SCN11A: variants seen among roughly 807,000 people sequenced by gnomAD.
The protein encoded by SCN11A is sodium voltage-gated channel alpha subunit 11.
Under a neutral mutation model 162.2 loss-of-function variants are expected in SCN11A, and 122 were observed. The observed-to-expected ratio is 0.75, with a 90% CI of 0.65 to 0.87. SCN11A has a LOEUF of 0.87. Ranked by LOEUF, SCN11A falls within the 40% of genes least tolerant of loss-of-function variation. SCN11A has a pLI of 0.00. For missense variants in SCN11A, 2,015 were observed against 2,181.6 expected, an observed-to-expected ratio of 0.92 and a Z score of 1.52; for synonymous variants, 758 against 751.5, an observed-to-expected ratio of 1.01 and a Z score of -0.14.
At chr3:38,856,676 T>C (rs1355935678) in intron 28 of SCN11A, among the ~76,000 whole-genome samples, 1 of 152,118 alleles carries the variant, frequency 6.6e-6, no homozygotes, top group Non-Finnish European at 1.5e-5. Flanking sequence ...TCTATTGGCC[T>C]GAAGCCTGAA....
chr3:38,944,680 G>C (rs2066489594), intron 7 of SCN11A, among the ~76,000 whole-genome samples: 1 of 151,998 alleles, frequency 6.6e-6, no homozygotes, highest in African/African-American at 2.4e-5. Flanking sequence ...TAAGAATAGG[G>C]CTGCGTGCAG....
intron 14 of SCN11A, 131 bp downstream of exon 14, chr3:38,907,818 T>G (rs1286225575): frequency 1.3e-6 from 1 of 765,010 alleles, no homozygotes; most frequent in Non-Finnish European, 2.1e-6. Flanking sequence ...CATGGATGCA[T>G]GAAAGTATGT....
At position 39,042,976 on chromosome 3, in the gene SCN11A, A is replaced by G. The variant is rs1438212687; in HGVS notation, c.-404+8885T>C. Among the ~76,000 whole-genome samples the G allele has an allele frequency of 5.0e-5, 7 of 139,580 alleles. No individual in the cohort carries two copies. In the East Asian group the frequency reaches 9.7e-4, roughly 19 times the overall value. The allele number at this position is 139,580 out of a possible 152,430, so 91.6% of individuals were successfully genotyped here. On this transcript the variant is annotated intron_variant, in intron 1 of 29. Coordinates refer to ENST00000302328, the MANE Select transcript of SCN11A (RefSeq NM_001349253.2). ...CCATCTCAAAAAAAAAAAAAAAAAA[A>G]AAAGAAAAAGAAAAAAGAAATGAGC...
chr3:39,049,119 T>C (rs551535083), intron 1 of SCN11A, among the ~76,000 whole-genome samples: 9 of 152,322 alleles, frequency 5.9e-5, no homozygotes, highest in East Asian at 1.9e-4. Context: ...TAAACAGCAA[T>C]AGATAAAAGG....
chr3:39,027,987 G>A (rs984965895), intron 2 of SCN11A, among the ~76,000 whole-genome samples: 1 of 152,190 alleles, frequency 6.6e-6, no homozygotes, highest in Non-Finnish European at 1.5e-5. Context: ...GTCCTCTTGA[G>A]TGGGACTTAA....
In SCN11A at chr3:39,016,008, A is replaced by AT. The variant is rs1575359845; in HGVS notation, c.-280+16371dup. The stretch of plus-strand genomic sequence containing the variant: ...AAACTCAGCCTCCCAAAATGCTTGG[A>AT]TTACAAGCATGAGCCACTAGATGTG... On this transcript the variant is annotated intron_variant, in intron 2 of 29. Transcript: ENST00000302328. 2.6e-5 allele frequency among the ~76,000 whole-genome samples: 4 copies of AT among 152,326 alleles called. No individual in the cohort carries two copies. In the East Asian group the frequency reaches 7.7e-4, roughly 29 times the overall value.
intron 2 of SCN11A, among the ~76,000 whole-genome samples, chr3:38,987,297 TCTCTCTCACACACACACA>T (rs1273406358): frequency 8.5e-6 from 1 of 117,128 alleles, no homozygotes; most frequent in East Asian, 2.4e-4. Flanking sequence ...TCTCTCTCTC[TCTCTCTCACACACACACA>T]CACACACACA....
intron 29 of SCN11A, 149 bp downstream of exon 29, chr3:38,850,332 T>C: frequency 4.5e-6 from 3 of 668,630 alleles, no homozygotes; most frequent in South Asian, 1.9e-5. Flanking sequence ...CAGTAGAGAA[T>C]GGCATTAGTA....
chr3:38,929,131 G>GCGCGCACACACACACA (rs774058202), intron 7 of SCN11A, among the ~76,000 whole-genome samples: 2 of 36,994 alleles, frequency 5.4e-5, no homozygotes, highest in African/African-American at 1.4e-4. Flanking sequence ...CTGGGTCTGT[G>GCGCGCACACACACACA]CACGCACACA....
rs372038452 is a variant in SCN11A at position 38,914,112 on chromosome 3, T to C, written c.960-3905A>G. ...ATATCCATTTTAATGATATTGATTC[T>C]TCCTATCCATGAGCATGAGATGTTC... On this transcript the variant is annotated intron_variant, in intron 11 of 29. Transcript: ENST00000302328. 3.3e-5 allele frequency among the ~76,000 whole-genome samples: 5 copies of C among 152,240 alleles called. 1 individual carries two copies. In the East Asian group the frequency reaches 7.7e-4, roughly 23 times the overall value.
At chr3:38,932,685 G>T (rs1369856597) in intron 7 of SCN11A, among the ~76,000 whole-genome samples, 3 of 152,222 alleles carry the variant, frequency 2.0e-5, no homozygotes, top group African/African-American at 7.2e-5. Context: ...ACCCACCATT[G>T]CCCAGGCTTG....
chr3:39,007,596 A>T (rs572894612), intron 2 of SCN11A, among the ~76,000 whole-genome samples: 1 of 152,312 alleles, frequency 6.6e-6, no homozygotes, highest in Admixed American at 6.5e-5. Flanking sequence ...GAAACTCCAT[A>T]AAAACCCTAA....
intron 1 of SCN11A, among the ~76,000 whole-genome samples, chr3:39,034,736 G>A (rs2031859383): frequency 1.3e-5 from 2 of 152,098 alleles, no homozygotes; most frequent in South Asian, 4.1e-4. Flanking sequence ...AAAACTATTA[G>A]AACTGATAAA....
At chr3:38,951,421 C>A (rs1057066949) in intron 4 of SCN11A, among the ~76,000 whole-genome samples, 1 of 152,278 alleles carries the variant, frequency 6.6e-6, no homozygotes, top group Non-Finnish European at 1.5e-5. Context: ...GCCCGCCATG[C>A]CTGAGCCTCC....
chr3:38,927,968 C>G (rs951449165), intron 7 of SCN11A, among the ~76,000 whole-genome samples: 1 of 152,022 alleles, frequency 6.6e-6, no homozygotes, highest in Non-Finnish European at 1.5e-5. Context: ...GAATAGAGAG[C>G]CCAGAAGTAA....
At chr3:39,034,290 G>A (rs957618387) in intron 1 of SCN11A, among the ~76,000 whole-genome samples, 4 of 152,080 alleles carry the variant, frequency 2.6e-5, no homozygotes, top group South Asian at 2.1e-4. Context: ...ATGCAAGGAC[G>A]GTTCAACATA....
chr3:39,037,927 C>A (rs7650682), intron 1 of SCN11A, among the ~76,000 whole-genome samples: 76,752 of 151,998 alleles, frequency 0.5, 22,938 homozygotes, highest in African/African-American at 0.85. Flanking sequence ...TTTTGAATAA[C>A]GAAACCAATC....
chr3:38,969,207 G>A (rs6808771), intron 2 of SCN11A, among the ~76,000 whole-genome samples: 10,539 of 152,260 alleles, frequency 0.069, 1,167 homozygotes, highest in African/African-American at 0.23. Context: ...TGGAGGCCCA[G>A]CGAAGGGACT....
At chr3:39,013,996 T>C (rs561141443) in intron 2 of SCN11A, among the ~76,000 whole-genome samples, 1 of 152,366 alleles carries the variant, frequency 6.6e-6, no homozygotes. Context: ...GAAACCATAG[T>C]TGATACTTAT....
Sources: allele counts gnomAD v4.1 joint callset (sites outside exome capture counted in the v4.1 genomes callset), GRCh38; gene constraint gnomAD v4.1.1; transcripts MANE v1.5; gene names NCBI Gene and HGNC (gene_info 2026-07-23, HGNC 2026-07-21).